Variants in NKAIN2 observed in about 807,000 individuals in gnomAD.
The protein encoded by NKAIN2 is sodium/potassium transporting ATPase interacting 2, also known as sodium/potassium-transporting ATPase subunit beta-1-interacting protein 2.
A neutral mutation model predicts 32.6 loss-of-function variants in NKAIN2; 14 were observed. The observed-to-expected ratio is 0.43, with a 90% confidence interval of 0.28 to 0.67. NKAIN2 has a LOEUF of 0.67. NKAIN2 is among the 30% of genes least tolerant of loss of function. The probability of loss-of-function intolerance (pLI) is 0.17; values close to 1 mark genes in which losing one functional copy is unlikely to be tolerated. For synonymous variants in NKAIN2, 80 were observed against 87.2 expected, an observed-to-expected ratio of 0.92 and a Z score of 0.46; for missense variants, 198 against 258.3, an observed-to-expected ratio of 0.77 and a Z score of 1.60.
At chr6:124,599,449 A>G (rs902248189) in intron 3 of NKAIN2, among the ~76,000 whole-genome samples, 2 of 152,140 alleles carry the variant, frequency 1.3e-5, no homozygotes, top group African/African-American at 2.4e-5. Context: ...AAGCCTCACT[A>G]TGAGATTCCA....
At chr6:124,547,899 C>T (rs897146484) in intron 3 of NKAIN2, among the ~76,000 whole-genome samples, 1 of 152,134 alleles carries the variant, frequency 6.6e-6, no homozygotes, top group Non-Finnish European at 1.5e-5. Context: ...CACCACCCTA[C>T]ACACACGTCA....
chr6:124,701,683 C>A (rs904795227), intron 4 of NKAIN2, among the ~76,000 whole-genome samples: 1 of 152,072 alleles, frequency 6.6e-6, no homozygotes, highest in Non-Finnish European at 1.5e-5. Context: ...CAGGAGCGTA[C>A]ATACATTTAC....
intron 2 of NKAIN2, among the ~76,000 whole-genome samples, chr6:124,332,987 T>C (rs1053115356): frequency 1.3e-5 from 2 of 152,238 alleles, no homozygotes; most frequent in African/African-American, 2.4e-5. Context: ...CAAACTTCTA[T>C]ATATGTCTTC....
chr6:124,400,429 A>C (rs1189689609), intron 3 of NKAIN2, among the ~76,000 whole-genome samples: 1 of 152,114 alleles, frequency 6.6e-6, no homozygotes, highest in African/African-American at 2.4e-5. Context: ...AATTGGGAAA[A>C]GGAACTGGAT....
intron 1 of NKAIN2, among the ~76,000 whole-genome samples, chr6:123,970,202 G>C (rs1311348066): frequency 6.6e-6 from 1 of 152,108 alleles, no homozygotes; most frequent in Non-Finnish European, 1.5e-5. Flanking sequence ...TGTGGAAGAA[G>C]AGGGTAATAG....
chr6:124,304,868 C>T (rs1796445805), intron 2 of NKAIN2, among the ~76,000 whole-genome samples: 1 of 152,078 alleles, frequency 6.6e-6, no homozygotes, highest in Non-Finnish European at 1.5e-5. Flanking sequence ...GAGCCAAGAT[C>T]ATGCCACTGC....
At chr6:124,046,944 C>A (rs1782167248) in intron 1 of NKAIN2, among the ~76,000 whole-genome samples, 1 of 151,910 alleles carries the variant, frequency 6.6e-6, no homozygotes, top group East Asian at 1.9e-4. Context: ...TGACTGAGGA[C>A]TTGAGTTTTT....
chr6:124,817,457 T>C (rs932101280), intron 5 of NKAIN2, among the ~76,000 whole-genome samples: 1 of 152,136 alleles, frequency 6.6e-6, no homozygotes, highest in Admixed American at 6.5e-5. Context: ...TGGTCCTTCA[T>C]TGATCTCTCC....
intron 1 of NKAIN2, among the ~76,000 whole-genome samples, chr6:123,927,041 T>C (rs921620750): frequency 6.6e-6 from 1 of 152,208 alleles, no homozygotes; most frequent in Admixed American, 6.5e-5. Flanking sequence ...TGAGAGAAAG[T>C]GCTGTGTTAC....
chr6:124,417,638 T>C (rs956739633), intron 3 of NKAIN2, among the ~76,000 whole-genome samples: 2 of 152,206 alleles, frequency 1.3e-5, no homozygotes, highest in African/African-American at 4.8e-5. Flanking sequence ...TCTTTGTATC[T>C]GAGCCCTTCT....
At chr6:123,866,359 A>G (rs1380676206) in intron 1 of NKAIN2, among the ~76,000 whole-genome samples, 1 of 151,686 alleles carries the variant, frequency 6.6e-6, no homozygotes, top group Non-Finnish European at 1.5e-5. Flanking sequence ...TCAACCTATT[A>G]TAATCTCCTT....
intron 3 of NKAIN2, among the ~76,000 whole-genome samples, chr6:124,500,741 C>G (rs764690407): frequency 2.6e-5 from 4 of 151,780 alleles, no homozygotes; most frequent in Non-Finnish European, 5.9e-5. Flanking sequence ...AAAATAAAGA[C>G]AACAATGTAT....
chr6:123,950,890 T>C (rs956851115), intron 1 of NKAIN2, among the ~76,000 whole-genome samples: 2 of 151,982 alleles, frequency 1.3e-5, no homozygotes, highest in Non-Finnish European at 2.9e-5. Flanking sequence ...GATTATTTAT[T>C]TGGAATCTTT....
At chr6:124,397,866 A>G (rs1773452157) in intron 3 of NKAIN2, among the ~76,000 whole-genome samples, 1 of 152,150 alleles carries the variant, frequency 6.6e-6, no homozygotes, top group Non-Finnish European at 1.5e-5. Flanking sequence ...AAATTAGATT[A>G]GCTTCATTGG....
chr6:124,095,006 C>A (rs889861655), intron 1 of NKAIN2, among the ~76,000 whole-genome samples: 2 of 151,970 alleles, frequency 1.3e-5, no homozygotes, highest in East Asian at 3.9e-4. Context: ...TATTTTATTT[C>A]TCTGTAAAAT....
intron 3 of NKAIN2, among the ~76,000 whole-genome samples, chr6:124,544,455 G>A (rs1343585624): frequency 6.6e-6 from 1 of 152,022 alleles, no homozygotes; most frequent in African/African-American, 2.4e-5. Flanking sequence ...GTAGAAACTG[G>A]AAGCAACAGC....
chr6:123,822,206 T>TA (rs1052181003), intron 1 of NKAIN2, among the ~76,000 whole-genome samples: 63 of 149,360 alleles, frequency 4.2e-4, no homozygotes, highest in African/African-American at 1.2e-3. Flanking sequence ...GGATGACTGT[T>TA]AAAAAAAAAA....
chr6:124,499,906 AGT>A (rs1389002366), intron 3 of NKAIN2, among the ~76,000 whole-genome samples: 1 of 152,204 alleles, frequency 6.6e-6, no homozygotes. Flanking sequence ...TCAGAGGCTG[AGT>A]GTCTTTATGA....
chr6:124,669,403 A>G (rs1267956287), intron 4 of NKAIN2, among the ~76,000 whole-genome samples: 1 of 152,100 alleles, frequency 6.6e-6, no homozygotes, highest in Non-Finnish European at 1.5e-5. Flanking sequence ...TAGTATGTTC[A>G]GTAGGGTAGC....
Sources: gnomAD v4.1 joint callset for allele counts (sites outside exome capture counted in the v4.1 genomes callset) on GRCh38, gnomAD v4.1.1 for gene constraint, MANE v1.5 for transcripts, NCBI Gene and HGNC (gene_info 2026-07-23, HGNC 2026-07-21) for gene names.